The following MTAP variants were observed in gnomAD, a reference collection of about 807,000 sequenced individuals.
The protein encoded by MTAP is S-methyl-5'-thioadenosine phosphorylase.
Under a neutral mutation model 33.6 loss-of-function variants are expected in MTAP, and 33 were observed. The ratio of observed to expected loss-of-function variants is 0.98; its 90% CI spans 0.74 to 1.31. The LOEUF (loss-of-function observed/expected upper bound fraction) is 1.31, where lower values mean the gene tolerates loss of function less well. Among genes scored for constraint, MTAP ranks in the 40% most tolerant of loss-of-function variants. The pLI, the probability that MTAP is intolerant of heterozygous loss-of-function variation, is 0.00. For synonymous variants in MTAP, 148 were observed against 125.7 expected (o/e 1.18, Z -1.19); for missense variants, 367 against 360.0 (o/e 1.02, Z -0.16).
chr9:21,906,014 G>C (rs1396266571), intron 1 of MTAP, among the ~76,000 whole-genome samples: 2 of 152,122 alleles, frequency 1.3e-5, no homozygotes, highest in Admixed American at 6.5e-5. Context: ...TGAATAACTG[G>C]TTACAAATTG....
chr9:21,802,985 A>AACACACACACACACAT, intron 1 of MTAP: 1 of 442,826 alleles, frequency 2.3e-6, no homozygotes, highest in Non-Finnish European at 3.5e-6. Flanking sequence ...CCGCACCGCC[A>AACACACACACACACAT]ACACACACAC....
downstream of MTAP, chr9:21,933,835 C>G (rs1032772756): frequency 1.3e-5 from 2 of 152,156 alleles, no homozygotes; most frequent in African/African-American, 4.8e-5. Flanking sequence ...CCTCTAGAGA[C>G]TATCCTAAAA....
chr9:21,859,216 G>A, intron 6 of MTAP, 87 bp from the exon 7 acceptor site: 4 of 1,517,256 alleles, frequency 2.6e-6, no homozygotes, highest in East Asian at 2.3e-5. Context: ...CATTTAGGCT[G>A]TAGCAAGGCT....
downstream of MTAP, among the ~76,000 whole-genome samples, chr9:21,937,803 G>C (rs1819065115): frequency 6.6e-6 from 1 of 152,136 alleles, no homozygotes; most frequent in Non-Finnish European, 1.5e-5. Context: ...GGATTTTCCA[G>C]ATGGATTCCT....
At chr9:21,870,897 A>G (rs974408913), downstream of MTAP, among the ~76,000 whole-genome samples, 56 of 151,492 alleles carry the variant, frequency 3.7e-4, no homozygotes, top group African/African-American at 1.3e-3. Flanking sequence ...CAGCCTCCCA[A>G]GTAGCTGGGA....
In MTAP at chr9:21,865,646, G is replaced by A. The variant is rs1282574592; in HGVS notation, c.*3632G>A. On this transcript the variant is annotated 3_prime_UTR_variant, in exon 8 of 8. Transcript: ENST00000644715. ...AAGACCATGGAAGAAAAGAAGGAAT[G>A]CCAAAGATCGAGGAAATCTACCAAG... is the stretch of plus-strand genomic sequence containing the variant. The A allele has an allele frequency of 1.0e-6, 1 of 994,414 alleles. No individual in the cohort carries two copies. The highest frequency in any genetic ancestry group is 1.7e-5 in the African/African-American group (1 of 57,604). The allele number at this position is 994,414 out of a possible 1,614,324, so 61.6% of individuals were successfully genotyped here.
chr9:21,908,948 C>T (rs1347498592), intron 1 of MTAP, among the ~76,000 whole-genome samples: 1 of 151,896 alleles, frequency 6.6e-6, no homozygotes, highest in East Asian at 1.9e-4. Context: ...ATAACTATTT[C>T]CTGCCCATAT....
chr9:21,903,018 T>A (rs754505030), intron 1 of MTAP, among the ~76,000 whole-genome samples: 9 of 152,246 alleles, frequency 5.9e-5, no homozygotes, highest in Non-Finnish European at 1.3e-4. Context: ...GTGGAAAAGA[T>A]GAATTCAACT....
downstream of MTAP, among the ~76,000 whole-genome samples, chr9:21,938,141 G>C (rs1457394470): frequency 6.6e-6 from 1 of 152,118 alleles, no homozygotes; most frequent in Non-Finnish European, 1.5e-5. Context: ...GGGCATGGCG[G>C]CGTGTGCCTG....
At chr9:21,839,188 TAA>T (rs397727589) in intron 5 of MTAP, among the ~76,000 whole-genome samples, 352 of 150,340 alleles carry the variant, frequency 2.3e-3, no homozygotes, top group Non-Finnish European at 3.5e-3. Context: ...TTTTTTTTTT[TAA>T]AAAAGTGGCA....
intron 1 of MTAP, among the ~76,000 whole-genome samples, chr9:21,876,708 G>A (rs1297022916): frequency 2.0e-5 from 3 of 151,854 alleles, no homozygotes; most frequent in Non-Finnish European, 4.4e-5. Context: ...CTCTCTATTC[G>A]GTTCCATTGG....
At chr9:21,878,070 C>T (rs571786465) in intron 1 of MTAP, among the ~76,000 whole-genome samples, 1 of 152,164 alleles carries the variant, frequency 6.6e-6, no homozygotes, top group South Asian at 2.1e-4. Flanking sequence ...TTAATTTATT[C>T]CTGGTTCAGT....
chr9:21,826,118 A>G (rs1393820932), intron 4 of MTAP, among the ~76,000 whole-genome samples: 1 of 151,932 alleles, frequency 6.6e-6, no homozygotes, highest in East Asian at 1.9e-4. Flanking sequence ...GAATTTTTAA[A>G]CATATACACA....
intron 3 of MTAP, among the ~76,000 whole-genome samples, chr9:21,817,786 A>G (rs1466532543): frequency 1.3e-5 from 2 of 152,054 alleles, no homozygotes; most frequent in Admixed American, 6.6e-5. Context: ...GATCCTTTAT[A>G]CAGAGCATGA....
At chr9:21,877,999 G>T (rs183746476) in intron 1 of MTAP, among the ~76,000 whole-genome samples, 73 of 151,994 alleles carry the variant, frequency 4.8e-4, no homozygotes, top group Non-Finnish European at 8.5e-4. Flanking sequence ...AGCTTTTTAT[G>T]GTTGGAAGGC....
intron 4 of MTAP, among the ~76,000 whole-genome samples, 157 bp downstream of exon 4, chr9:21,818,359 ACT>A (rs1398933159): frequency 9.4e-6 from 1 of 106,916 alleles, no homozygotes; most frequent in Non-Finnish European, 1.7e-5. Context: ...ACGGAGCCTC[ACT>A]CTGTCTCCCA....
At chr9:21,881,437 G>A (rs1818009987) in intron 1 of MTAP, among the ~76,000 whole-genome samples, 1 of 151,970 alleles carries the variant, frequency 6.6e-6, no homozygotes, top group Non-Finnish European at 1.5e-5. Context: ...TAAAACTTCT[G>A]TGCATCAAAG....
chr9:21,940,384 G>A (rs1819117232), downstream of MTAP, among the ~76,000 whole-genome samples: 1 of 152,164 alleles, frequency 6.6e-6, no homozygotes, highest in Non-Finnish European at 1.5e-5. Flanking sequence ...GTTTTACTGT[G>A]ATTATTTTTG....
At chr9:21,820,093 G>T (rs1824593844) in intron 4 of MTAP, among the ~76,000 whole-genome samples, 1 of 152,148 alleles carries the variant, frequency 6.6e-6, no homozygotes, top group African/African-American at 2.4e-5. Flanking sequence ...TCTGTAGGTT[G>T]CCTGTTCACT....
Sources: gnomAD v4.1 joint callset for allele counts (sites outside exome capture counted in the v4.1 genomes callset) on GRCh38, gnomAD v4.1.1 for gene constraint, MANE v1.5 for transcripts, NCBI Gene and HGNC (gene_info 2026-07-23, HGNC 2026-07-21) for gene names.